The following TUT7 variants were observed in gnomAD, a reference collection of about 807,000 sequenced individuals.
TUT7 encodes the protein terminal uridylyltransferase 7.
In TUT7, 33 loss-of-function variants were observed where a neutral mutation model predicts 165.9. The observed-to-expected ratio is 0.20, with a 90% CI of 0.15 to 0.27. The LOEUF is 0.27. TUT7 is among the 10% of genes least tolerant of loss of function. The pLI, the probability that TUT7 is intolerant of heterozygous loss-of-function variation, is 1.00. For synonymous variants in TUT7, 552 were observed against 608.1 expected, an observed-to-expected ratio of 0.91 and a Z score of 1.36; for missense variants, 1,338 against 1,762.3, an observed-to-expected ratio of 0.76 and a Z score of 4.31.
rs41283663 is a variant in TUT7, at chr9:86,337,366, T to A, written c.1455+53A>T. ...TTTGAAATTATGCAAAATTTAATTG[T>A]GGACCTGTAATAAAATCTGTTCAGA... is the stretch of plus-strand genomic sequence containing the variant. On this transcript the variant is annotated intron_variant, in intron 10 of 26. Transcript: ENST00000375963. The A allele has an allele frequency of 1.5e-5, 24 of 1,563,180 alleles. No individual in the cohort carries two copies. The East Asian group carries it at 5.4e-4, about 35-fold the overall frequency.
intron 4 of TUT7, 57 bp downstream of exon 4, chr9:86,345,612 T>C: frequency 8.0e-7 from 1 of 1,252,918 alleles, no homozygotes; most frequent in East Asian, 2.3e-5. Context: ...GCCACAAAGA[T>C]GACAAGTAAT....
At chr9:86,333,486 G>C (rs791221) in intron 10 of TUT7, among the ~76,000 whole-genome samples, 37,327 of 152,022 alleles carry the variant, frequency 0.25, 6,178 homozygotes, top group Non-Finnish European at 0.35. Context: ...GATTTTTCCT[G>C]GCTATGTCTA....
Position 86,353,412 on chromosome 9 carries a change from TTGGTCCTCTAATATTC to T in TUT7, c.-31-198_-31-183del, listed in dbSNP as rs1302072316. On this transcript the variant is annotated intron_variant, in intron 1 of 26. Transcript: ENST00000375963. ...TGCTTTACCCTAGAGGTTGGGAGGC[TTGGTCCTCTAATATTC>T]TTCATGAAAATTAATACTTACTATT... Among the ~76,000 whole-genome samples, 35 of 152,326 alleles carry T rather than the reference TTGGTCCTCTAATATTC, an allele frequency of 2.3e-4. No individual in the cohort carries two copies. In the East Asian group the frequency reaches 3.9e-3, roughly 17 times the overall value.
At chr9:86,343,691 T>C (rs899879992) in intron 5 of TUT7, among the ~76,000 whole-genome samples, 1 of 152,198 alleles carries the variant, frequency 6.6e-6, no homozygotes, top group African/African-American at 2.4e-5. Context: ...TTTCTCATTA[T>C]ATTATGAACA....
At chr9:86,334,101 C>A (rs1396304837) in intron 10 of TUT7, among the ~76,000 whole-genome samples, 2 of 151,794 alleles carry the variant, frequency 1.3e-5, no homozygotes, top group Non-Finnish European at 2.9e-5. Flanking sequence ...TCTCCTACTA[C>A]CACCCTTACT....
chr9:86,341,838 T>A (rs909419847), intron 6 of TUT7, among the ~76,000 whole-genome samples: 1 of 152,172 alleles, frequency 6.6e-6, no homozygotes, highest in Non-Finnish European at 1.5e-5. Flanking sequence ...CCAGACCTTG[T>A]CATTTTCTAT....
chr9:86,317,876 G>A (rs578138753), intron 16 of TUT7, among the ~76,000 whole-genome samples: 20 of 152,176 alleles, frequency 1.3e-4, no homozygotes, highest in East Asian at 1.9e-4. Flanking sequence ...CAGAACATAC[G>A]TGGAATGTTA....
chr9:86,338,210 CTTTTTT>C (rs1156700714), intron 9 of TUT7, among the ~76,000 whole-genome samples: 1 of 135,396 alleles, frequency 7.4e-6, no homozygotes, highest in Non-Finnish European at 1.6e-5. Context: ...CATGGAATCT[CTTTTTT>C]TTTTTTTTTT....
rs1831713446 is a variant in TUT7 at position 86,345,900 on chromosome 9, G to A, written c.703-115C>T. 7.8e-6 allele frequency: 6 copies of A among 772,594 alleles called. No individual in the cohort carries two copies. In the East Asian group the frequency reaches 1.0e-4, roughly 13 times the overall value. The allele number at this position is 772,594 out of a possible 1,614,324, so 47.9% of individuals were successfully genotyped here. On this transcript the variant is annotated intron_variant, in intron 3 of 26. Transcript: ENST00000375963. ...CAATTTCTTTTCTCTAAAGAGACAG[G>A]AGTCTCACTATGTTGCCCTGGCTGG...
intron 5 of TUT7, 95 bp downstream of exon 5, chr9:86,344,882 T>C (rs1382096671): frequency 8.4e-7 from 1 of 1,194,898 alleles, no homozygotes; most frequent in Non-Finnish European, 1.2e-6. Flanking sequence ...CATGACATGG[T>C]AAATAAATTT....
At chr9:86,331,664 A>C (rs1830326123) in intron 10 of TUT7, among the ~76,000 whole-genome samples, 1 of 152,196 alleles carries the variant, frequency 6.6e-6, no homozygotes. Flanking sequence ...GTTTGGTTAC[A>C]ATTTACATCT....
rs1446170724 is a variant in TUT7 at position 86,328,205 on chromosome 9, G to T, written c.1608+135C>A. ...ACCTTTTCTCATTACTTGTCTGTTC[G>T]AGGTACTAAACAGACTGGCAAATGA... On this transcript the variant is annotated intron_variant, in intron 11 of 26. Transcript: ENST00000375963. The T allele has an allele frequency of 5.4e-6, 4 of 736,944 alleles. No individual in the cohort carries two copies. In the East Asian group the frequency reaches 9.1e-5, roughly 17 times the overall value. The allele number at this position is 736,944 out of a possible 1,614,324, so 45.7% of individuals were successfully genotyped here.
At chr9:86,336,683 G>T (rs925681691) in intron 10 of TUT7, among the ~76,000 whole-genome samples, 2 of 152,268 alleles carry the variant, frequency 1.3e-5, no homozygotes, top group African/African-American at 4.8e-5. Flanking sequence ...TCACTAAGGG[G>T]TCTTTCTATA....
chr9:86,336,364 A>G (rs1388443097), intron 10 of TUT7, among the ~76,000 whole-genome samples: 1 of 152,098 alleles, frequency 6.6e-6, no homozygotes, highest in Non-Finnish European at 1.5e-5. Flanking sequence ...ATACCCTCTC[A>G]TGGCTCTGAA....
chr9:86,347,895 A>G (rs1168935698), intron 2 of TUT7, among the ~76,000 whole-genome samples: 1 of 151,602 alleles, frequency 6.6e-6, no homozygotes. Context: ...TTTTTTTCAG[A>G]TAAGCACTTC....
intron 26 of TUT7, among the ~76,000 whole-genome samples, chr9:86,293,682 C>T (rs1826063117): frequency 6.6e-6 from 1 of 152,108 alleles, no homozygotes; most frequent in Non-Finnish European, 1.5e-5. Flanking sequence ...TTCTTATGAG[C>T]GGGAATTTAT....
intron 10 of TUT7, among the ~76,000 whole-genome samples, chr9:86,334,165 C>CA (rs1349178913): frequency 6.6e-6 from 1 of 152,040 alleles, no homozygotes; most frequent in African/African-American, 2.4e-5. Context: ...CTTCCCGTGG[C>CA]AAGTAAAACC....
chr9:86,330,752 G>A (rs1398177696), intron 10 of TUT7, among the ~76,000 whole-genome samples: 1 of 152,022 alleles, frequency 6.6e-6, no homozygotes, highest in Non-Finnish European at 1.5e-5. Context: ...AGCTTTTTGA[G>A]GTGGACCTTT....
At chr9:86,335,508 A>G (rs1830682383) in intron 10 of TUT7, among the ~76,000 whole-genome samples, 1 of 152,216 alleles carries the variant, frequency 6.6e-6, no homozygotes, top group Non-Finnish European at 1.5e-5. Flanking sequence ...ATTTGTGAAA[A>G]GACAGATCAG....
Sources: allele counts gnomAD v4.1 joint callset (sites outside exome capture counted in the v4.1 genomes callset), GRCh38; gene constraint gnomAD v4.1.1; transcripts MANE v1.5; gene names NCBI Gene and HGNC (gene_info 2026-07-23, HGNC 2026-07-21).